SCAMP1: variants seen among roughly 807,000 people sequenced by gnomAD.
SCAMP1 encodes the protein secretory carrier membrane protein 1, also known as secretory carrier-associated membrane protein 1.
A neutral mutation model predicts 41.8 loss-of-function variants in SCAMP1; 15 were observed. The ratio of observed to expected loss-of-function variants is 0.36; its 90% CI spans 0.24 to 0.55. The LOEUF is 0.55. Among genes scored for constraint, SCAMP1 ranks in the 20% least tolerant of loss-of-function variants. The probability of loss-of-function intolerance (pLI) is 0.86; values close to 1 mark genes in which losing one functional copy is unlikely to be tolerated. For synonymous variants in SCAMP1, 135 were observed against 136.8 expected (o/e 0.99, Z 0.09); for missense variants, 341 against 412.6 (o/e 0.83, Z 1.50).
At chr5:78,392,096 C>T (rs942775589) in intron 2 of SCAMP1, among the ~76,000 whole-genome samples, 3 of 148,488 alleles carry the variant, frequency 2.0e-5, no homozygotes, top group Middle Eastern at 3.5e-3. Flanking sequence ...AGAGGGAGAG[C>T]GAAAAGAGAT....
intron 7 of SCAMP1, among the ~76,000 whole-genome samples, chr5:78,450,718 C>T (rs1017855740): frequency 1.3e-5 from 2 of 152,166 alleles, no homozygotes; most frequent in African/African-American, 4.8e-5. Context: ...GACTTGCATT[C>T]AGCTGTATTC....
chr5:78,430,723 C>T lies in SCAMP1; in HGVS notation c.632+8763C>T, dbSNP rs983426561. On this transcript the variant is annotated intron_variant, in intron 6 of 8. Transcript: ENST00000621999. ...GAACTGAGGTTTTAACCCAGATCTT[C>T]AGACTAGAAGCTTAGGATGTTATGT... Among the ~76,000 whole-genome samples the T allele has an allele frequency of 2.0e-5, 3 of 151,920 alleles. No individual in the cohort carries two copies. In the South Asian group the frequency reaches 6.2e-4, roughly 31 times the overall value.
At chr5:78,457,021 G>T (rs964934921) in intron 7 of SCAMP1, among the ~76,000 whole-genome samples, 7 of 129,496 alleles carry the variant, frequency 5.4e-5, no homozygotes, top group Non-Finnish European at 1.1e-4. Context: ...CTCGAGCCTT[G>T]GTTTTCAGCT....
intron 8 of SCAMP1, among the ~76,000 whole-genome samples, chr5:78,473,149 A>G (rs1753925348): frequency 1.3e-5 from 2 of 152,170 alleles, no homozygotes; most frequent in African/African-American, 4.8e-5. Context: ...GGGGAAAGGA[A>G]TCTTTGGATT....
chr5:78,429,295 C>T (rs1433807607), intron 6 of SCAMP1, among the ~76,000 whole-genome samples: 2 of 149,062 alleles, frequency 1.3e-5, no homozygotes, highest in African/African-American at 4.9e-5. Flanking sequence ...TTTGTAGATG[C>T]CCTTTGTTGG....
At position 78,459,406 on chromosome 5, in the gene SCAMP1, T is replaced by TA. The variant is rs779064238; in HGVS notation, c.852+47dup. ...CTAAATTTTTATAGTGAACGTGATG[T>TA]AAAGTTCTCATTTTCCTATTTTGCT... is the stretch of plus-strand genomic sequence containing the variant. On this transcript the variant is annotated intron_variant, in intron 8 of 8. Coordinates refer to ENST00000621999, the MANE Select transcript of SCAMP1 (RefSeq NM_004866.6). 129 of 942,258 alleles carry TA rather than the reference T, an allele frequency of 1.4e-4. No homozygotes were observed. The Admixed American group carries it at 2.8e-3, about 20-fold the overall frequency. The allele number at this position is 942,258 out of a possible 1,614,324, so 58.4% of individuals were successfully genotyped here. A position where few individuals can be genotyped will look rare whatever the true frequency, so the allele number is the denominator to read the frequency against.
chr5:78,448,709 A>T (rs1260279827), intron 6 of SCAMP1, among the ~76,000 whole-genome samples: 2 of 152,362 alleles, frequency 1.3e-5, no homozygotes, highest in East Asian at 3.9e-4. Context: ...GATGAAAAGT[A>T]GAACAACCAG....
chr5:78,472,342 A>G (rs930304282), intron 8 of SCAMP1, among the ~76,000 whole-genome samples: 2 of 152,014 alleles, frequency 1.3e-5, no homozygotes, highest in African/African-American at 4.8e-5. Context: ...GCACCCATCA[A>G]CCCATTATCT....
rs1754091612 is a variant in SCAMP1, at chr5:78,479,777, T to G, written c.*4109T>G. 1.3e-5 allele frequency among the ~76,000 whole-genome samples: 2 copies of G among 152,182 alleles called. No individual in the cohort carries two copies. Among genetic ancestry groups the G allele is most frequent in the Non-Finnish European group, 2.9e-5 (2 of 68,038 alleles). ...TAGGATTTTGGCCAGGTGTGGTGGC[T>G]CACGCCTGTAATCCCAGCACTTTGG... On this transcript the variant is annotated 3_prime_UTR_variant, in exon 9 of 9. Coordinates refer to ENST00000621999, the MANE Select transcript of SCAMP1 (RefSeq NM_004866.6).
chr5:78,468,687 TA>T (rs1303255530), intron 8 of SCAMP1, among the ~76,000 whole-genome samples: 1 of 152,144 alleles, frequency 6.6e-6, no homozygotes, highest in Non-Finnish European at 1.5e-5. Context: ...TTTACCTCTT[TA>T]AAAAACAAGT....
At chr5:78,374,794 A>G (rs994390367) in intron 1 of SCAMP1, among the ~76,000 whole-genome samples, 3 of 152,106 alleles carry the variant, frequency 2.0e-5, no homozygotes, top group East Asian at 1.9e-4. Context: ...GTCTATAAAC[A>G]TAAGTGAGTT....
chr5:78,370,360 A>G (rs1012087198), intron 1 of SCAMP1, among the ~76,000 whole-genome samples: 3 of 152,176 alleles, frequency 2.0e-5, no homozygotes, highest in African/African-American at 7.2e-5. Context: ...GTTTGGTTAG[A>G]TTTAACCTTG....
chr5:78,448,291 A>G (rs1753121695), intron 6 of SCAMP1, among the ~76,000 whole-genome samples: 2 of 143,930 alleles, frequency 1.4e-5, no homozygotes, highest in Non-Finnish European at 3.1e-5. Context: ...CTCAATGTCT[A>G]AATAGCTGAG....
intron 6 of SCAMP1, among the ~76,000 whole-genome samples, chr5:78,423,725 A>C (rs530049426): frequency 6.6e-6 from 1 of 151,598 alleles, no homozygotes; most frequent in East Asian, 1.9e-4. Context: ...TTGGTGGAAC[A>C]TTTTTACTTG....
At chr5:78,436,905 A>T (rs1291399102) in intron 6 of SCAMP1, among the ~76,000 whole-genome samples, 1 of 152,120 alleles carries the variant, frequency 6.6e-6, no homozygotes, top group East Asian at 1.9e-4. Context: ...TTCGTTGAGC[A>T]GTGGTTTGTA....
chr5:78,436,438 A>G (rs1752754663), intron 6 of SCAMP1, among the ~76,000 whole-genome samples: 1 of 152,236 alleles, frequency 6.6e-6, no homozygotes, highest in Non-Finnish European at 1.5e-5. Flanking sequence ...AGCTTTCTAC[A>G]TCTGGCTAGC....
chr5:78,386,692 A>G (rs1272590891), intron 1 of SCAMP1, among the ~76,000 whole-genome samples: 1 of 152,156 alleles, frequency 6.6e-6, no homozygotes, highest in African/African-American at 2.4e-5. Context: ...TTTGTTGGAA[A>G]AAAGTATGTA....
chr5:78,386,186 T>C (rs1307088828), intron 1 of SCAMP1, among the ~76,000 whole-genome samples: 1 of 152,122 alleles, frequency 6.6e-6, no homozygotes, highest in Non-Finnish European at 1.5e-5. Flanking sequence ...TGTTGGACTA[T>C]TCCTTTTATC....
chr5:78,476,505 C>T lies in SCAMP1; in HGVS notation c.*837C>T, dbSNP rs1418262199. The T allele has an allele frequency of 1.3e-5, 2 of 152,482 alleles. No individual in the cohort carries two copies. The highest frequency in any genetic ancestry group is 2.9e-5 in the Non-Finnish European group (2 of 67,982). 9.4% of individuals were successfully genotyped at this position (152,482 alleles called of 1,614,324 possible). A position where few individuals can be genotyped will look rare whatever the true frequency, so the allele number is the denominator to read the frequency against. On this transcript the variant is annotated 3_prime_UTR_variant, in exon 9 of 9. Coordinates refer to ENST00000621999, the MANE Select transcript of SCAMP1 (RefSeq NM_004866.6). ...TCCTTTTTAAAAAAATTTCGGTAGTCATATAGTAACATTTTGCTATATGAA... is the reference window on the plus strand; with the variant it reads ...TCCTTTTTAAAAAAATTTCGGTAGTTATATAGTAACATTTTGCTATATGAA...
Sources: gnomAD v4.1 joint callset for allele counts (sites outside exome capture counted in the v4.1 genomes callset) on GRCh38, gnomAD v4.1.1 for gene constraint, MANE v1.5 for transcripts, NCBI Gene and HGNC (gene_info 2026-07-23, HGNC 2026-07-21) for gene names.